ERCC6L: variants seen among roughly 807,000 people sequenced by gnomAD.
ERCC6L encodes DNA excision repair protein ERCC-6-like.
Under a neutral mutation model 20.1 loss-of-function variants are expected in ERCC6L, and 7 were observed. The observed-to-expected ratio is 0.35, with a 90% CI of 0.20 to 0.65. The LOEUF (loss-of-function observed/expected upper bound fraction) is 0.65, where lower values mean the gene tolerates loss of function less well. ERCC6L is among the 30% of genes least tolerant of loss of function. The pLI is 0.69. For synonymous variants in ERCC6L, 278 were observed against 331.3 expected (o/e 0.84, Z 1.75); for missense variants, 592 against 892.4 (o/e 0.66, Z 4.29).
intron 1 of ERCC6L, among the ~76,000 whole-genome samples, chrX:72,219,483 GATGGAGGTT>G (rs1395950678): frequency 9.1e-6 from 1 of 109,416 alleles, no homozygotes; most frequent in African/African-American, 3.3e-5. Flanking sequence ...GAACCTGGGA[GATGGAGGTT>G]GCAGTAAGCC....
rs1187894853 is a variant in ERCC6L at position 72,236,923 on chromosome X, C to A, written c.68+1921G>T. On this transcript the variant is annotated intron_variant, in intron 1 of 1. Transcript: ENST00000334463. ...GTAAGTGTATCTGTAGAAGAAAATACTACAAGTCTTAGCTTCAAAAGTAAA... is the reference window on the plus strand; with the variant it reads ...GTAAGTGTATCTGTAGAAGAAAATAATACAAGTCTTAGCTTCAAAAGTAAA... 2.7e-5 allele frequency among the ~76,000 whole-genome samples: 3 copies of A among 112,426 alleles called. No individual in the cohort carries two copies. In the East Asian group the frequency reaches 8.4e-4, roughly 31 times the overall value.
At chrX:72,221,290 C>G (rs1307990712) in intron 1 of ERCC6L, among the ~76,000 whole-genome samples, 1 of 112,140 alleles carries the variant, frequency 8.9e-6, no homozygotes, top group Non-Finnish European at 1.9e-5. Context: ...AAGATCTGCC[C>G]TCCTCTGGCT....
At chrX:72,213,116 G>A (rs747202817) in intron 1 of ERCC6L, among the ~76,000 whole-genome samples, 4 of 112,024 alleles carry the variant, frequency 3.6e-5, no homozygotes, top group Non-Finnish European at 3.8e-5. Flanking sequence ...TAATCTCGGC[G>A]CATGTGAGTG....
At chrX:72,229,591 G>C (rs1252754996) in intron 1 of ERCC6L, among the ~76,000 whole-genome samples, 1 of 111,328 alleles carries the variant, frequency 9.0e-6, no homozygotes, top group African/African-American at 3.3e-5. Context: ...CACGACAAAG[G>C]CCTGTTCTTT....
chrX:72,219,125 G>A (rs1428811311), intron 1 of ERCC6L, among the ~76,000 whole-genome samples: 1 of 110,129 alleles, frequency 9.1e-6, no homozygotes, highest in Non-Finnish European at 1.9e-5. Context: ...GTGTGGTGGT[G>A]GGCACCTGTA....
intron 1 of ERCC6L, among the ~76,000 whole-genome samples, chrX:72,212,427 G>A (rs190308893): frequency 6.3e-5 from 7 of 111,636 alleles, no homozygotes; most frequent in Non-Finnish European, 1.9e-5. Context: ...CTTCTCCACA[G>A]AGGGTCTGCC....
In ERCC6L at chrX:72,204,962, A is replaced by C; in HGVS notation, c.*52T>G. 2.0e-6 allele frequency: 2 copies of C among 1,023,051 alleles called. No homozygotes were observed. Among genetic ancestry groups the C allele is most frequent in the Non-Finnish European group, 2.6e-6 (2 of 760,464 alleles). 84.3% of individuals were successfully genotyped at this position (1,023,051 alleles called of 1,213,427 possible). ...CCAAAGAATCCAATTATGGGAACAA[A>C]AATTCCCTCATATTCAGTTTCACTT... On this transcript the variant is annotated 3_prime_UTR_variant, in exon 2 of 2. Coordinates refer to ENST00000334463, the MANE Select transcript of ERCC6L (RefSeq NM_017669.4).
intron 1 of ERCC6L, among the ~76,000 whole-genome samples, chrX:72,211,884 C>T: frequency 8.9e-6 from 1 of 112,273 alleles, no homozygotes; most frequent in East Asian, 2.8e-4. Context: ...TGGAAAGCTA[C>T]ACTTTCGCTG....
chrX:72,238,723 G>A (rs1187786691), intron 1 of ERCC6L, 121 bp downstream of exon 1: 9 of 608,508 alleles, frequency 1.5e-5, no homozygotes, highest in Non-Finnish European at 2.3e-5. Flanking sequence ...AGAAGAGCGC[G>A]AGCGCGCGTC....
Position 72,239,012 on chromosome X carries a change from C to T in ERCC6L, c.-101G>A, listed in dbSNP as rs2043035396. The T allele has an allele frequency of 1.2e-6, 1 of 835,811 alleles. No individual in the cohort carries two copies. Among genetic ancestry groups the T allele is most frequent in the Non-Finnish European group, 1.7e-6 (1 of 585,053 alleles). 68.9% of individuals were successfully genotyped at this position (835,811 alleles called of 1,213,427 possible). A position where few individuals can be genotyped will look rare whatever the true frequency, so the allele number is the denominator to read the frequency against. Reference sequence around the variant, plus strand: ...GAGTTTGGAGCTTGAATTTCGCTCACTCCCGCCCCGCGCATGCTCTGTGCG... The same window carrying T: ...GAGTTTGGAGCTTGAATTTCGCTCATTCCCGCCCCGCGCATGCTCTGTGCG... On this transcript the variant is annotated 5_prime_UTR_variant, in exon 1 of 2. The change creates a new upstream start codon in the 5' untranslated region. Coordinates refer to ENST00000334463, the MANE Select transcript of ERCC6L (RefSeq NM_017669.4).
intron 1 of ERCC6L, chrX:72,238,092 C>G (rs527545659): frequency 1.8e-5 from 2 of 111,707 alleles, no homozygotes; most frequent in African/African-American, 6.5e-5. Context: ...AGATGACGGA[C>G]GGCTGCACAA....
intron 1 of ERCC6L, among the ~76,000 whole-genome samples, chrX:72,214,672 C>CAAA (rs58451189): frequency 2.4e-5 from 1 of 41,985 alleles, no homozygotes; most frequent in African/African-American, 8.6e-5. Context: ...GACTCCATCT[C>CAAA]AAAAAAAAAA....
chrX:72,208,339 G>A lies in ERCC6L; in HGVS notation c.428C>T (p.Ser143Leu), dbSNP rs146896703. ...IAFLSGMFDASLVNHVLLIMP... is the reference protein window; with the variant it reads ...IAFLSGMFDALLVNHVLLIMP... ...GATCAGCAGCACATGATTCACAAGT[G>A]ATGCATCAAACATACCGGAAAGGAA... The change falls in exon 2 of 2, where the codon TCA becomes TTA. Residue 143 changes from serine (S) to leucine (L), a missense_variant. Transcript: ENST00000334463. 1 of 1,211,718 alleles carries A rather than the reference G, an allele frequency of 8.3e-7. No homozygotes were observed. Among genetic ancestry groups the A allele is most frequent in the Non-Finnish European group, 1.1e-6 (1 of 895,442 alleles).
intron 1 of ERCC6L, among the ~76,000 whole-genome samples, chrX:72,236,295 ATCTTTTTTT>A (rs1293317945): frequency 3.6e-5 from 4 of 110,901 alleles, no homozygotes; most frequent in Admixed American, 9.6e-5. Context: ...CTCTACAAAA[ATCTTTTTTT>A]TCTTTTTTTT....
chrX:72,216,750 T>C (rs906354699), intron 1 of ERCC6L, among the ~76,000 whole-genome samples: 3 of 110,585 alleles, frequency 2.7e-5, no homozygotes, highest in South Asian at 4.0e-4. Context: ...TCTATACCCA[T>C]TGTAAAAACC....
At chrX:72,220,961 C>T (rs1423318639) in intron 1 of ERCC6L, among the ~76,000 whole-genome samples, 1 of 111,853 alleles carries the variant, frequency 8.9e-6, no homozygotes, top group Non-Finnish European at 1.9e-5. Context: ...AACGGCAGCT[C>T]ATCATAAGTT....
intron 1 of ERCC6L, among the ~76,000 whole-genome samples, chrX:72,217,855 T>C (rs181012110): frequency 2.7e-5 from 3 of 112,079 alleles, no homozygotes; most frequent in African/African-American, 9.7e-5. Context: ...TTCTATTCCA[T>C]TGATCTATAT....
intron 1 of ERCC6L, 45 bp downstream of exon 1, chrX:72,238,799 T>G (rs1289020377): frequency 2.6e-6 from 3 of 1,136,495 alleles, no homozygotes; most frequent in Non-Finnish European, 1.2e-6. Flanking sequence ...ACCTCCACCC[T>G]GGGCCAGGTC....
intron 1 of ERCC6L, among the ~76,000 whole-genome samples, chrX:72,210,463 A>G (rs900114980): frequency 1.8e-5 from 2 of 111,363 alleles, no homozygotes; most frequent in Non-Finnish European, 3.8e-5. Flanking sequence ...GTCTTGATCT[A>G]TGTTCTAGAG....
Sources: allele counts gnomAD v4.1 joint callset (sites outside exome capture counted in the v4.1 genomes callset), GRCh38; gene constraint gnomAD v4.1.1; transcripts MANE v1.5; gene names NCBI Gene and HGNC (gene_info 2026-07-23, HGNC 2026-07-21).